ADGRL3: variants seen among roughly 807,000 people sequenced by gnomAD.
ADGRL3 encodes the protein calcium-independent alpha-latrotoxin receptor 3.
A neutral mutation model predicts 153.5 loss-of-function variants in ADGRL3; 62 were observed. The observed-to-expected ratio is 0.40, with a 90% CI of 0.33 to 0.50. The LOEUF (loss-of-function observed/expected upper bound fraction) is 0.50. ADGRL3 is among the 20% of genes least tolerant of loss of function. ADGRL3 has a pLI of 0.47. For synonymous variants in ADGRL3, 710 were observed against 672.5 expected (o/e 1.06, Z -0.86); for missense variants, 1,641 against 1,859.4 (o/e 0.88, Z 2.16).
intron 2 of ADGRL3, among the ~76,000 whole-genome samples, chr4:61,482,237 C>T (rs913517446): frequency 1.3e-5 from 2 of 152,160 alleles, no homozygotes; most frequent in Admixed American, 1.3e-4. Flanking sequence ...ATGTTTTAAT[C>T]TCAAGTTGCT....
chr4:61,990,177 T>C (rs1186228403), intron 19 of ADGRL3, among the ~76,000 whole-genome samples: 1 of 152,074 alleles, frequency 6.6e-6, no homozygotes, highest in African/African-American at 2.4e-5. Context: ...AACTGTGTAA[T>C]ACCTAAATGA....
intron 1 of ADGRL3, among the ~76,000 whole-genome samples, chr4:61,301,801 G>A (rs2342454): frequency 0.71 from 107,171 of 151,984 alleles, 38,114 homozygotes; most frequent in East Asian, 0.97. Context: ...TGAAATAACA[G>A]CACTAAAAAG....
chr4:61,267,964 T>C (rs1024354305), intron 1 of ADGRL3, among the ~76,000 whole-genome samples: 1 of 151,646 alleles, frequency 6.6e-6, no homozygotes, highest in Non-Finnish European at 1.5e-5. Context: ...TATGGAAGTA[T>C]AGGAGCAGGC....
chr4:61,403,111 A>G (rs1207762955), intron 2 of ADGRL3, among the ~76,000 whole-genome samples: 1 of 152,026 alleles, frequency 6.6e-6, no homozygotes, highest in Non-Finnish European at 1.5e-5. Flanking sequence ...AAGAGCACTA[A>G]TCCTACTGGG....
chr4:61,406,927 A>G (rs1253221477), intron 2 of ADGRL3, among the ~76,000 whole-genome samples: 1 of 152,074 alleles, frequency 6.6e-6, no homozygotes, highest in Admixed American at 6.6e-5. Context: ...CATGGAACCA[A>G]CTGTCATAAA....
intron 1 of ADGRL3, among the ~76,000 whole-genome samples, chr4:61,300,575 A>G (rs1446535905): frequency 1.3e-5 from 2 of 152,054 alleles, no homozygotes; most frequent in Non-Finnish European, 2.9e-5. Flanking sequence ...ATGCTCAGAA[A>G]ATTATTATAA....
At chr4:61,863,231 CTTTTTTTT>C (rs1189171329) in intron 9 of ADGRL3, among the ~76,000 whole-genome samples, 1 of 80,906 alleles carries the variant, frequency 1.2e-5, no homozygotes, top group Non-Finnish European at 2.2e-5. Context: ...GGGCATCATT[CTTTTTTTT>C]TTTTTTTTTT....
intron 20 of ADGRL3, among the ~76,000 whole-genome samples, chr4:61,997,008 G>C (rs1434446243): frequency 6.6e-6 from 1 of 151,210 alleles, no homozygotes; most frequent in South Asian, 2.1e-4. Context: ...TGAAAAAAAT[G>C]TTAGCCTATT....
chr4:61,997,334 A>G (rs1015506794), intron 20 of ADGRL3, among the ~76,000 whole-genome samples: 2 of 151,652 alleles, frequency 1.3e-5, no homozygotes, highest in Admixed American at 6.6e-5. Context: ...TTCCCACCAC[A>G]TAGATTTACT....
chr4:61,634,171 T>TAAAA lies in ADGRL3; in HGVS notation c.474-42653_474-42650dup, dbSNP rs1388383803. ...TCTTTTGTGTGTTCCTTTTATAACA[T>TAAAA]AAAAATAAAGTGGACAGTCTCAGTA... On this transcript the variant is annotated intron_variant, in intron 5 of 26. Coordinates refer to ENST00000683033, the MANE Select transcript of ADGRL3 (RefSeq NM_001387552.1). Among the ~76,000 whole-genome samples, 95 of 152,164 alleles carry TAAAA rather than the reference T, an allele frequency of 6.2e-4. 3 individuals carry two copies. Among genetic ancestry groups the TAAAA allele is most frequent in the Admixed American group, 6.2e-3 (95 of 15,272 alleles).
intron 4 of ADGRL3, among the ~76,000 whole-genome samples, chr4:61,561,713 G>A (rs1223561718): frequency 6.6e-6 from 1 of 151,998 alleles, no homozygotes; most frequent in Non-Finnish European, 1.5e-5. Flanking sequence ...ATAGAAATTT[G>A]TAATTTATAA....
chr4:61,864,049 A>C (rs909647890), intron 9 of ADGRL3, among the ~76,000 whole-genome samples: 2 of 152,236 alleles, frequency 1.3e-5, no homozygotes, highest in Non-Finnish European at 2.9e-5. Context: ...CTAGGTTGTC[A>C]TCAAAATCTT....
intron 1 of ADGRL3, among the ~76,000 whole-genome samples, chr4:61,329,994 G>C (rs2095539574): frequency 6.6e-6 from 1 of 152,150 alleles, no homozygotes; most frequent in South Asian, 2.1e-4. Flanking sequence ...TCTTGGCTTA[G>C]CTCCTCTTTG....
chr4:61,743,499 G>C (rs1019208149), intron 8 of ADGRL3, among the ~76,000 whole-genome samples: 1 of 151,868 alleles, frequency 6.6e-6, no homozygotes, highest in Non-Finnish European at 1.5e-5. Context: ...TTCAAAACAA[G>C]AAAATAGTAC....
intron 4 of ADGRL3, among the ~76,000 whole-genome samples, chr4:61,537,462 A>G (rs1369143859): frequency 6.6e-6 from 1 of 152,086 alleles, no homozygotes; most frequent in Non-Finnish European, 1.5e-5. Context: ...ATTTCCTCAA[A>G]TATGTTTTCC....
chr4:61,437,749 C>G (rs551448912), intron 2 of ADGRL3, among the ~76,000 whole-genome samples: 1 of 152,250 alleles, frequency 6.6e-6, no homozygotes, highest in Non-Finnish European at 1.5e-5. Context: ...ACTCCCCATA[C>G]AAGCTTCTCC....
chr4:61,898,719 A>C (rs967734674), intron 11 of ADGRL3, among the ~76,000 whole-genome samples: 1 of 151,916 alleles, frequency 6.6e-6, no homozygotes, highest in Non-Finnish European at 1.5e-5. Context: ...CCCAGGTTCA[A>C]GCAATTCTCT....
intron 25 of ADGRL3, among the ~76,000 whole-genome samples, chr4:62,067,806 A>G (rs1743802585): frequency 6.6e-6 from 1 of 152,124 alleles, no homozygotes; most frequent in South Asian, 2.1e-4. Context: ...CACATATGTG[A>G]CATTGAAATA....
intron 1 of ADGRL3, among the ~76,000 whole-genome samples, chr4:61,282,464 T>C (rs1245111901): frequency 6.6e-6 from 1 of 152,072 alleles, no homozygotes; most frequent in East Asian, 1.9e-4. Context: ...TAAGATCATT[T>C]TGTGTATGGG....
Sources: allele counts gnomAD v4.1 joint callset (sites outside exome capture counted in the v4.1 genomes callset), GRCh38; gene constraint gnomAD v4.1.1; transcripts MANE v1.5; gene names NCBI Gene and HGNC (gene_info 2026-07-23, HGNC 2026-07-21).